Variants in SMIM21 observed in about 807,000 individuals in gnomAD.
SMIM21 encodes the protein small integral membrane protein 21.
A neutral mutation model predicts 8.6 loss-of-function variants in SMIM21; 8 were observed. That is an observed-to-expected ratio of 0.93 (90% CI 0.55 to 1.68). The LOEUF (loss-of-function observed/expected upper bound fraction) is 1.68. Ranked by LOEUF, SMIM21 falls within the 40% of genes most tolerant of loss-of-function variation. The pLI is 0.00. For synonymous variants in SMIM21, 43 were observed against 41.7 expected, an observed-to-expected ratio of 1.03 and a Z score of -0.12; for missense variants, 132 against 123.0, an observed-to-expected ratio of 1.07 and a Z score of -0.35.
intron 1 of SMIM21, among the ~76,000 whole-genome samples, chr18:75,426,564 C>T (rs990761103): frequency 3.4e-5 from 5 of 149,114 alleles, no homozygotes; most frequent in African/African-American, 1.3e-4. Flanking sequence ...TCGCCTCGGC[C>T]TCCCAAAGTG....
chr18:75,421,897 A>G (rs944256222), intron 1 of SMIM21, among the ~76,000 whole-genome samples: 5 of 152,322 alleles, frequency 3.3e-5, no homozygotes, highest in Admixed American at 2.6e-4. Flanking sequence ...CCCATTGCAC[A>G]TAATACTAAT....
chr18:75,425,069 G>A (rs1433752277), intron 1 of SMIM21, among the ~76,000 whole-genome samples: 1 of 152,172 alleles, frequency 6.6e-6, no homozygotes, highest in Non-Finnish European at 1.5e-5. Context: ...AAATAGTTGT[G>A]ACAGATGATA....
chr18:75,417,313 C>T (rs1015974008), intron 2 of SMIM21: 3 of 152,198 alleles, frequency 2.0e-5, no homozygotes, highest in African/African-American at 7.2e-5. Flanking sequence ...GTCACATTCT[C>T]CCAGCAAGAG....
chr18:75,426,093 C>T (rs2024758377), intron 1 of SMIM21, among the ~76,000 whole-genome samples: 1 of 152,020 alleles, frequency 6.6e-6, no homozygotes, highest in Non-Finnish European at 1.5e-5. Context: ...ACACACCGGC[C>T]TAGTATTAAT....
At position 75,410,834 on chromosome 18, in the gene SMIM21, G is replaced by A; in HGVS notation, c.*30C>T. 6.2e-7 allele frequency: 1 copy of A among 1,613,144 alleles called. No homozygotes were observed. Among genetic ancestry groups the A allele is most frequent in the South Asian group, 1.1e-5 (1 of 90,654 alleles). On this transcript the variant is annotated 3_prime_UTR_variant, in exon 3 of 3. Coordinates refer to ENST00000579022, the MANE Select transcript of SMIM21 (RefSeq NM_001037331.3). ...CTTGAGCAGGGGAAATCCATGGTAT[G>A]AAGGCCATGAGAGAGAAACGTAGTG... is the stretch of plus-strand genomic sequence containing the variant.
chr18:75,424,950 G>A (rs145223417), intron 1 of SMIM21, among the ~76,000 whole-genome samples: 17 of 152,178 alleles, frequency 1.1e-4, no homozygotes, highest in Non-Finnish European at 2.4e-4. Flanking sequence ...CACTCCTCAC[G>A]CTGTTGTGGG....
Position 75,410,623 on chromosome 18 carries a change from G to T in SMIM21, c.*241C>A. On this transcript the variant is annotated 3_prime_UTR_variant, in exon 3 of 3. Transcript: ENST00000579022. ...CAGGGCAGATTTCGCAGGGTTGGGT[G>T]GCATCTGCAGCTCTCCTCCGGAATA... The T allele has an allele frequency of 9.4e-7, 1 of 1,066,022 alleles. No individual in the cohort carries two copies. Among genetic ancestry groups the T allele is most frequent in the Non-Finnish European group, 1.2e-6 (1 of 804,004 alleles). 66.0% of individuals were successfully genotyped at this position (1,066,022 alleles called of 1,614,324 possible).
At chr18:75,424,619 T>C (rs1403317505) in intron 1 of SMIM21, among the ~76,000 whole-genome samples, 1 of 152,158 alleles carries the variant, frequency 6.6e-6, no homozygotes, top group East Asian at 1.9e-4. Context: ...GTCCTGTGCA[T>C]AGTAATGGAT....
At chr18:75,414,493 G>A (rs1019395614) in intron 2 of SMIM21, among the ~76,000 whole-genome samples, 1 of 152,158 alleles carries the variant, frequency 6.6e-6, no homozygotes, top group Non-Finnish European at 1.5e-5. Flanking sequence ...GGAAGAGGGA[G>A]GAGCACTGGG....
rs2024777753 is a variant in SMIM21, at chr18:75,427,524, T to C, written c.40A>G (p.Ile14Val). 23 of 1,613,862 alleles carry C rather than the reference T, an allele frequency of 1.4e-5. No individual in the cohort carries two copies. The highest frequency in any genetic ancestry group is 1.9e-5 in the Non-Finnish European group (23 of 1,179,890). ...YVSTAPPRFPIAQLGTFKQDS... is the reference protein window; with the variant it reads ...YVSTAPPRFPVAQLGTFKQDS... ...TGTTTAAATGTTCCCAGCTGTGCTA[T>C]AGGGAATCGGGGAGGAGCTGTGGAC... Residue 14 changes from isoleucine to valine, a missense_variant, in exon 1 of 3, where the codon ATA becomes GTA. Transcript: ENST00000579022.
chr18:75,422,215 A>AG (rs2024716773), intron 1 of SMIM21, among the ~76,000 whole-genome samples: 2 of 152,254 alleles, frequency 1.3e-5, no homozygotes, highest in African/African-American at 4.8e-5. Flanking sequence ...TTCCTGAGAC[A>AG]GGGGCGCACC....
chr18:75,424,773 A>C (rs981283937), intron 1 of SMIM21, among the ~76,000 whole-genome samples: 4 of 152,232 alleles, frequency 2.6e-5, no homozygotes, highest in South Asian at 2.1e-4. Flanking sequence ...TTTCTTATTT[A>C]AAATGTCTCA....
chr18:75,419,917 C>T (rs868300787), intron 1 of SMIM21, among the ~76,000 whole-genome samples: 4 of 152,078 alleles, frequency 2.6e-5, no homozygotes, highest in African/African-American at 7.2e-5. Flanking sequence ...CATGAGCCAC[C>T]GTGGGAAGGA....
chr18:75,411,899 C>T lies in SMIM21; in HGVS notation c.261-990G>A, dbSNP rs546359822. ...ATCCCATCTGCTCCCTTCATTTCTC[C>T]CTGCTCTATAGAAGGCATGCAGCAA... On this transcript the variant is annotated intron_variant, in intron 2 of 2. Coordinates refer to ENST00000579022, the MANE Select transcript of SMIM21 (RefSeq NM_001037331.3). 1.3e-3 allele frequency among the ~76,000 whole-genome samples: 191 copies of T among 152,264 alleles called. 1 individual carries two copies. Among genetic ancestry groups the T allele is most frequent in the African/African-American group, 4.5e-3 (189 of 41,550 alleles).
Position 75,427,527 on chromosome 18 carries a change from G to A in SMIM21, c.37C>T (p.Pro13Ser), listed in dbSNP as rs369987884. The A allele has an allele frequency of 9.3e-6, 15 of 1,613,566 alleles. No individual in the cohort carries two copies. The South Asian group carries it at 1.1e-4, about 12-fold the overall frequency. Residue 13 changes from proline to serine, a missense_variant, in exon 1 of 3, where the codon CCT (proline) becomes TCT (serine). Pro to Ser is a moderately conservative substitution (Grantham distance 74). Coordinates refer to ENST00000579022, the MANE Select transcript of SMIM21 (RefSeq NM_001037331.3). The stretch of plus-strand genomic sequence containing the variant: ...TTAAATGTTCCCAGCTGTGCTATAG[G>A]GAATCGGGGAGGAGCTGTGGACACA... The part of the protein sequence containing the change: ...QYVSTAPPRF[P>S]IAQLGTFKQD...
rs183116299 is a variant in SMIM21 at position 75,418,129 on chromosome 18, G to A, written c.260+657C>T. The A allele has an allele frequency of 1.1e-4, 45 of 398,242 alleles. No individual in the cohort carries two copies. The East Asian group carries it at 1.1e-3, about 10-fold the overall frequency. 24.7% of individuals were successfully genotyped at this position (398,242 alleles called of 1,614,324 possible). On this transcript the variant is annotated intron_variant, in intron 2 of 2. Transcript: ENST00000579022. ...GCTTTATTTTTATTTTTATTTTTCC[G>A]AGTGAGGCTGGGTATGTTGAAAACA...
chr18:75,424,580 C>G (rs2024742201), intron 1 of SMIM21, among the ~76,000 whole-genome samples: 1 of 152,144 alleles, frequency 6.6e-6, no homozygotes. Context: ...ACTTGCTATC[C>G]TGTCTGCCTG....
rs371927953 is a variant in SMIM21, at chr18:75,418,670, A to G, written c.260+116T>C. On this transcript the variant is annotated intron_variant, in intron 2 of 2. Coordinates refer to ENST00000579022, the MANE Select transcript of SMIM21 (RefSeq NM_001037331.3). ...AGCATGTGCACTCTCCTAGGTGGCT[A>G]CAGATTGATTGCTTGATGAATGTTC... 3.1e-5 allele frequency: 33 copies of G among 1,050,388 alleles called. No individual in the cohort carries two copies. In the African/African-American group the frequency reaches 4.2e-4, roughly 13 times the overall value. The allele number at this position is 1,050,388 out of a possible 1,614,324, so 65.1% of individuals were successfully genotyped here. A position where few individuals can be genotyped will look rare whatever the true frequency, so the allele number is the denominator to read the frequency against.
chr18:75,424,533 G>A (rs764880437), intron 1 of SMIM21, among the ~76,000 whole-genome samples: 6 of 152,162 alleles, frequency 3.9e-5, no homozygotes, highest in Non-Finnish European at 7.3e-5. Flanking sequence ...TGATAGGACT[G>A]TTGAAATCCC....
Sources: gnomAD v4.1 joint callset for allele counts (sites outside exome capture counted in the v4.1 genomes callset) on GRCh38, gnomAD v4.1.1 for gene constraint, MANE v1.5 for transcripts, NCBI Gene and HGNC (gene_info 2026-07-23, HGNC 2026-07-21) for gene names.